The following SNTG2 variants were observed in gnomAD, a reference collection of about 807,000 sequenced individuals.
SNTG2 encodes the protein gamma-2-syntrophin.
A neutral mutation model predicts 70.9 loss-of-function variants in SNTG2; 74 were observed. The observed-to-expected ratio is 1.04, with a 90% CI of 0.86 to 1.27. The LOEUF (loss-of-function observed/expected upper bound fraction) is 1.27. Ranked by LOEUF, SNTG2 falls within the 50% of genes most tolerant of loss-of-function variation. SNTG2 has a pLI of 0.00. For missense variants in SNTG2, 717 were observed against 690.7 expected (o/e 1.04, Z -0.43); for synonymous variants, 278 against 273.8 (o/e 1.02, Z -0.15).
intron 6 of SNTG2, among the ~76,000 whole-genome samples, chr2:1,140,183 C>T (rs1361463840): frequency 6.6e-6 from 1 of 152,142 alleles, no homozygotes. Context: ...CTAGATTTAC[C>T]TCCACAAAGT....
chr2:1,141,802 G>T (rs1294400077), intron 6 of SNTG2, among the ~76,000 whole-genome samples: 2 of 152,096 alleles, frequency 1.3e-5, no homozygotes, highest in African/African-American at 2.4e-5. Flanking sequence ...GAGTTAAAGA[G>T]CCCCAAGGCG....
In SNTG2 at chr2:1,098,120, A is replaced by G. The variant is rs537274279; in HGVS notation, c.211-76A>G. 4.1e-5 allele frequency: 62 copies of G among 1,502,536 alleles called. No homozygotes were observed. The South Asian group carries it at 6.6e-4, about 16-fold the overall frequency. The allele number at this position is 1,502,536 out of a possible 1,614,324, so 93.1% of individuals were successfully genotyped here. A position where few individuals can be genotyped will look rare whatever the true frequency, so the allele number is the denominator to read the frequency against. ...TTTAACACGTATTTGGGTTTAAATG[A>G]AGAATTTCTTTTGAATTCACTTTCT... On this transcript the variant is annotated intron_variant, in intron 2 of 16. Coordinates refer to ENST00000308624, the MANE Select transcript of SNTG2 (RefSeq NM_018968.4).
intron 1 of SNTG2, among the ~76,000 whole-genome samples, chr2:1,007,063 G>A (rs1485522068): frequency 7.1e-6 from 1 of 140,340 alleles, no homozygotes; most frequent in African/African-American, 2.6e-5. Context: ...AAATAAATGT[G>A]TATATATATA....
chr2:1,315,217 C>T (rs1330176423), intron 15 of SNTG2, among the ~76,000 whole-genome samples: 3 of 152,168 alleles, frequency 2.0e-5, no homozygotes, highest in African/African-American at 7.2e-5. Context: ...CTAGAGGAAA[C>T]ATGTGCTTTG....
chr2:1,091,920 C>A (rs948189123), intron 2 of SNTG2, among the ~76,000 whole-genome samples: 2 of 152,154 alleles, frequency 1.3e-5, no homozygotes, highest in Non-Finnish European at 2.9e-5. Flanking sequence ...CAAATCCAGG[C>A]TCCCTCAGCC....
At chr2:1,301,420 C>CA (rs1238234374) in intron 14 of SNTG2, among the ~76,000 whole-genome samples, 1 of 152,130 alleles carries the variant, frequency 6.6e-6, no homozygotes, top group Admixed American at 6.5e-5. Context: ...GAGAAGTACT[C>CA]AAAAAATATT....
chr2:1,307,245 C>T (rs1680730158), intron 14 of SNTG2, among the ~76,000 whole-genome samples: 2 of 132,952 alleles, frequency 1.5e-5, no homozygotes, highest in Non-Finnish European at 1.6e-5. Context: ...GTGGGTGAGC[C>T]GTGCATTGTG....
intron 14 of SNTG2, among the ~76,000 whole-genome samples, chr2:1,273,294 C>T (rs985455998): frequency 2.1e-5 from 3 of 142,944 alleles, no homozygotes; most frequent in Admixed American, 1.3e-4. Context: ...CTGCCTGTTT[C>T]CAAGTTTCAG....
intron 1 of SNTG2, among the ~76,000 whole-genome samples, chr2:1,033,645 C>G (rs563884391): frequency 6.6e-6 from 1 of 152,192 alleles, no homozygotes; most frequent in Non-Finnish European, 1.5e-5. Flanking sequence ...AAAGTTGTGG[C>G]CAACAATTTT....
intron 2 of SNTG2, among the ~76,000 whole-genome samples, chr2:1,084,888 C>T (rs1390188610): frequency 6.6e-6 from 1 of 152,162 alleles, no homozygotes; most frequent in African/African-American, 2.4e-5. Flanking sequence ...CACCTGACCC[C>T]ATTCATGAGC....
chr2:1,221,485 C>CTGTCTCTGCCTCTGTCTCTCTCTTTG (rs1674845237), intron 9 of SNTG2, among the ~76,000 whole-genome samples: 7 of 77,494 alleles, frequency 9.0e-5, no homozygotes, highest in Non-Finnish European at 1.9e-4. Flanking sequence ...CTCTCTCTCT[C>CTGTCTCTGCCTCTGTCTCTCTCTTTG]TCTGTCTCTC....
intron 13 of SNTG2, among the ~76,000 whole-genome samples, chr2:1,260,562 A>G (rs1186660534): frequency 6.6e-6 from 1 of 152,230 alleles, no homozygotes; most frequent in Admixed American, 6.5e-5. Flanking sequence ...ATATTCATTA[A>G]AAAATGGAGG....
chr2:1,086,306 C>T lies in SNTG2; in HGVS notation c.210+2651C>T, dbSNP rs115843849. Among the ~76,000 whole-genome samples the T allele has an allele frequency of 6.3e-3, 961 of 152,172 alleles. 16 individuals carry two copies. Among genetic ancestry groups the T allele is most frequent in the African/African-American group, 0.022 (910 of 41,544 alleles). Reference sequence around the variant, plus strand: ...AGCCAGAGAGGAAGACACGGGCTCGCTCTCTCGCTCTCTCTGTCTCTCTCT... The same window carrying T: ...AGCCAGAGAGGAAGACACGGGCTCGTTCTCTCGCTCTCTCTGTCTCTCTCT... On this transcript the variant is annotated intron_variant, in intron 2 of 16. Transcript: ENST00000308624.
chr2:989,963 G>T (rs894926826), intron 1 of SNTG2, among the ~76,000 whole-genome samples: 1 of 152,262 alleles, frequency 6.6e-6, no homozygotes, highest in Non-Finnish European at 1.5e-5. Context: ...GTCCAGGACA[G>T]GGGTGGCATC....
chr2:1,171,814 G>A (rs1671141665), intron 7 of SNTG2, among the ~76,000 whole-genome samples: 1 of 152,138 alleles, frequency 6.6e-6, no homozygotes, highest in African/African-American at 2.4e-5. Flanking sequence ...TGGACAAAGG[G>A]TAACAGCGAG....
chr2:1,203,661 A>AC (rs1558526000), intron 8 of SNTG2, among the ~76,000 whole-genome samples: 1 of 96,232 alleles, frequency 1.0e-5, no homozygotes, highest in Admixed American at 1.2e-4. Flanking sequence ...CTCAAAAACA[A>AC]ACAAAAAAAA....
At chr2:1,211,760 G>T (rs1201920903) in intron 9 of SNTG2, among the ~76,000 whole-genome samples, 1 of 152,012 alleles carries the variant, frequency 6.6e-6, no homozygotes, top group African/African-American at 2.4e-5. Context: ...CTCCCACCAG[G>T]TCCCTCCCAT....
At chr2:1,083,873 T>C (rs114662217) in intron 2 of SNTG2, among the ~76,000 whole-genome samples, 2,366 of 152,270 alleles carry the variant, frequency 0.016, 56 homozygotes, top group African/African-American at 0.054. Context: ...ACATTTTCCA[T>C]GTAAAGCTTT....
At chr2:1,251,748 C>T (rs1209847536) in intron 12 of SNTG2, among the ~76,000 whole-genome samples, 1 of 149,622 alleles carries the variant, frequency 6.7e-6, no homozygotes, top group Non-Finnish European at 1.5e-5. Context: ...CAGGCACACA[C>T]CACACACACA....
Sources: allele counts gnomAD v4.1 joint callset (sites outside exome capture counted in the v4.1 genomes callset), GRCh38; gene constraint gnomAD v4.1.1; transcripts MANE v1.5; gene names NCBI Gene and HGNC (gene_info 2026-07-23, HGNC 2026-07-21).